KCNH7: variants seen among roughly 807,000 people sequenced by gnomAD.
KCNH7 encodes voltage-gated inwardly rectifying potassium channel KCNH7.
A neutral mutation model predicts 120.8 loss-of-function variants in KCNH7; 49 were observed. That is an observed-to-expected ratio of 0.41 (90% CI 0.32 to 0.51). The LOEUF is 0.51. Ranked by LOEUF, KCNH7 falls within the 20% of genes least tolerant of loss-of-function variation. The pLI is 0.38. For missense variants in KCNH7, 1,097 were observed against 1,446.6 expected (o/e 0.76, Z 3.92); for synonymous variants, 547 against 516.1 (o/e 1.06, Z -0.81).
At chr2:162,813,513 T>C (rs557131174) in intron 2 of KCNH7, among the ~76,000 whole-genome samples, 2 of 152,314 alleles carry the variant, frequency 1.3e-5, no homozygotes, top group East Asian at 1.9e-4. Context: ...GCACTTTACC[T>C]TCATCATTCA....
At chr2:162,670,367 G>A (rs965891737) in intron 2 of KCNH7, among the ~76,000 whole-genome samples, 3 of 150,736 alleles carry the variant, frequency 2.0e-5, no homozygotes, top group Non-Finnish European at 3.0e-5. Flanking sequence ...TTAGCTACTC[G>A]GGAGTCTGAG....
intron 2 of KCNH7, among the ~76,000 whole-genome samples, chr2:162,543,477 C>T (rs1692381289): frequency 6.6e-6 from 1 of 152,098 alleles, no homozygotes; most frequent in Non-Finnish European, 1.5e-5. Context: ...CTAATTAACA[C>T]AAACCTGGTT....
chr2:162,762,004 A>G (rs1217365940), intron 2 of KCNH7, among the ~76,000 whole-genome samples: 1 of 151,936 alleles, frequency 6.6e-6, no homozygotes, highest in Non-Finnish European at 1.5e-5. Context: ...AGTAAAGGTG[A>G]GTCCCTCAAG....
intron 6 of KCNH7, among the ~76,000 whole-genome samples, chr2:162,464,309 T>C (rs941779547): frequency 6.6e-6 from 1 of 151,974 alleles, no homozygotes; most frequent in East Asian, 1.9e-4. Context: ...GCTGATATTA[T>C]ACTATATATC....
At chr2:162,817,400 T>C (rs543499490) in intron 2 of KCNH7, among the ~76,000 whole-genome samples, 8 of 152,288 alleles carry the variant, frequency 5.3e-5, no homozygotes, top group Admixed American at 3.3e-4. Flanking sequence ...AGTTTATTTT[T>C]CTTTATTATT....
intron 3 of KCNH7, among the ~76,000 whole-genome samples, chr2:162,534,104 A>G (rs1237741340): frequency 6.6e-6 from 1 of 151,458 alleles, no homozygotes; most frequent in Non-Finnish European, 1.5e-5. Context: ...AAAGTTGCAT[A>G]TTTTCTAGGA....
chr2:162,475,269 C>T (rs748734687), intron 6 of KCNH7, among the ~76,000 whole-genome samples: 11 of 152,280 alleles, frequency 7.2e-5, no homozygotes, highest in Non-Finnish European at 1.0e-4. Flanking sequence ...AGGACATTAC[C>T]GTGTCTAATT....
chr2:162,759,259 T>C (rs1248792818), intron 2 of KCNH7, among the ~76,000 whole-genome samples: 4 of 152,096 alleles, frequency 2.6e-5, no homozygotes, highest in African/African-American at 9.7e-5. Flanking sequence ...AATTGGATTG[T>C]CCTCTGTTAA....
At chr2:162,747,908 C>T (rs1439031012) in intron 2 of KCNH7, among the ~76,000 whole-genome samples, 3 of 152,158 alleles carry the variant, frequency 2.0e-5, no homozygotes, top group Non-Finnish European at 4.4e-5. Flanking sequence ...AAAGTGCCTA[C>T]CTTCACTACG....
chr2:162,603,528 TATAAC>T (rs1271711413), intron 2 of KCNH7, among the ~76,000 whole-genome samples: 1 of 152,070 alleles, frequency 6.6e-6, no homozygotes, highest in Non-Finnish European at 1.5e-5. Flanking sequence ...CTTCAAGAAA[TATAAC>T]AGAACAGTTT....
chr2:162,387,154 TGCTACTGGAC>T (rs1686598685), intron 12 of KCNH7, among the ~76,000 whole-genome samples: 1 of 150,464 alleles, frequency 6.6e-6, no homozygotes, highest in Admixed American at 6.7e-5. Flanking sequence ...CTGTATTAGT[TGCTACTGGAC>T]TATCACCCAA....
intron 6 of KCNH7, among the ~76,000 whole-genome samples, chr2:162,460,132 C>T (rs1689097827): frequency 1.3e-5 from 2 of 149,746 alleles, no homozygotes; most frequent in South Asian, 4.2e-4. Context: ...AACAGATATG[C>T]TAAGGCTCAC....
chr2:162,698,057 A>C (rs1054563620), intron 2 of KCNH7, among the ~76,000 whole-genome samples: 25 of 152,298 alleles, frequency 1.6e-4, no homozygotes, highest in Non-Finnish European at 3.1e-4. Context: ...ACATTCACAT[A>C]GTTGATACAG....
At chr2:162,559,420 T>C (rs1692984007) in intron 2 of KCNH7, among the ~76,000 whole-genome samples, 1 of 152,212 alleles carries the variant, frequency 6.6e-6, no homozygotes, top group African/African-American at 2.4e-5. Context: ...TGTTAAATTA[T>C]GCCAGAAACT....
chr2:162,743,917 C>T (rs1029900083), intron 2 of KCNH7, among the ~76,000 whole-genome samples: 3 of 151,810 alleles, frequency 2.0e-5, no homozygotes, highest in Non-Finnish European at 4.4e-5. Flanking sequence ...ACGGAATAAC[C>T]ACCTTGACAA....
chr2:162,482,425 C>T (rs1368223426), intron 6 of KCNH7, among the ~76,000 whole-genome samples: 1 of 151,904 alleles, frequency 6.6e-6, no homozygotes, highest in East Asian at 1.9e-4. Context: ...GCCAAAATGT[C>T]TTCTGTGGTG....
intron 2 of KCNH7, among the ~76,000 whole-genome samples, chr2:162,741,246 G>A (rs1442834679): frequency 6.7e-6 from 1 of 149,026 alleles, no homozygotes; most frequent in East Asian, 2.0e-4. Context: ...AATAACATAT[G>A]TTATTAGTTA....
intron 2 of KCNH7, among the ~76,000 whole-genome samples, chr2:162,552,016 A>G (rs578172036): frequency 1.1e-4 from 16 of 152,306 alleles, no homozygotes; most frequent in African/African-American, 3.6e-4. Flanking sequence ...AACCAAGCAG[A>G]ACCAAAATGG....
At chr2:162,614,322 C>G (rs77090169) in intron 2 of KCNH7, among the ~76,000 whole-genome samples, 1 of 151,866 alleles carries the variant, frequency 6.6e-6, no homozygotes, top group Non-Finnish European at 1.5e-5. Context: ...AGATAACTAA[C>G]CATTGAGAGA....
Sources: gnomAD v4.1 joint callset for allele counts (sites outside exome capture counted in the v4.1 genomes callset) on GRCh38, gnomAD v4.1.1 for gene constraint, MANE v1.5 for transcripts, NCBI Gene and HGNC (gene_info 2026-07-23, HGNC 2026-07-21) for gene names.